The following KIF3B variants were observed in gnomAD, a reference collection of about 807,000 sequenced individuals.
The protein encoded by KIF3B is kinesin family member 3B.
In KIF3B, 38 loss-of-function variants were observed where a neutral mutation model predicts 74.3. That is an observed-to-expected ratio of 0.51 (90% CI 0.39 to 0.67). The LOEUF is 0.67. Among genes scored for constraint, KIF3B ranks in the 30% least tolerant of loss-of-function variants. The pLI, the probability that KIF3B is intolerant of heterozygous loss-of-function variation, is 0.00. For synonymous variants in KIF3B, 326 were observed against 342.5 expected, an observed-to-expected ratio of 0.95 and a Z score of 0.53; for missense variants, 649 against 932.0, an observed-to-expected ratio of 0.70 and a Z score of 3.95.
At chr20:32,301,438 C>T (rs776784060) in intron 1 of KIF3B, among the ~76,000 whole-genome samples, 4 of 151,706 alleles carry the variant, frequency 2.6e-5, no homozygotes, top group Non-Finnish European at 2.9e-5. Flanking sequence ...AGTGTAATGG[C>T]GCGATCTCAG....
chr20:32,283,420 C>T (rs373543366), intron 1 of KIF3B, among the ~76,000 whole-genome samples: 6 of 151,884 alleles, frequency 4.0e-5, no homozygotes, highest in African/African-American at 1.5e-4. Flanking sequence ...AGGAGAATCG[C>T]TTGAACCCGG....
chr20:32,330,031 C>A, intron 7 of KIF3B, 110 bp from the exon 8 acceptor site: 1 of 946,454 alleles, frequency 1.1e-6, no homozygotes, highest in Non-Finnish European at 1.5e-6. Flanking sequence ...CTTGATAGGC[C>A]CTGAATAACA....
At chr20:32,282,157 G>A (rs906495323) in intron 1 of KIF3B, among the ~76,000 whole-genome samples, 5 of 152,164 alleles carry the variant, frequency 3.3e-5, no homozygotes, top group Admixed American at 3.3e-4. Context: ...TGGCAGCCAG[G>A]AGGCTAGTTA....
chr20:32,306,445 A>G lies in KIF3B; in HGVS notation c.-65-3268A>G, dbSNP rs1378401003. On this transcript the variant is annotated intron_variant, in intron 1 of 8. Coordinates refer to ENST00000375712, the MANE Select transcript of KIF3B (RefSeq NM_004798.4). ...ATGAGTGCTTTTTATGTAATGCATT[A>G]TACCACATCCTTATTTATTTGCACA... Among the ~76,000 whole-genome samples, 3 of 152,146 alleles carry G rather than the reference A, an allele frequency of 2.0e-5. No homozygotes were observed. The South Asian group carries it at 6.2e-4, about 32-fold the overall frequency.
intron 1 of KIF3B, among the ~76,000 whole-genome samples, chr20:32,297,136 C>T (rs2047720847): frequency 6.6e-6 from 1 of 151,888 alleles, no homozygotes; most frequent in Admixed American, 6.6e-5. Context: ...TCTGATGGCT[C>T]ATGTGATCTT....
intron 1 of KIF3B, among the ~76,000 whole-genome samples, chr20:32,299,267 T>C (rs1210845943): frequency 2.6e-5 from 4 of 151,002 alleles, no homozygotes; most frequent in African/African-American, 7.3e-5. Flanking sequence ...TGTTCTAATA[T>C]AACTTTGTTT....
At chr20:32,331,086 C>T in intron 8 of KIF3B, 137 bp from the exon 9 acceptor site, 1 of 700,740 alleles carries the variant, frequency 1.4e-6, no homozygotes, top group Non-Finnish European at 2.5e-6. Context: ...CAGGCTGTGC[C>T]AGTGTAGTGG....
chr20:32,287,820 A>C (rs567563842), intron 1 of KIF3B, among the ~76,000 whole-genome samples: 1 of 152,020 alleles, frequency 6.6e-6, no homozygotes, highest in African/African-American at 2.4e-5. Context: ...GAACTTTAAA[A>C]AATTCTAACA....
chr20:32,330,338 G>C lies in KIF3B; in HGVS notation c.2147+19G>C. ...AGGCCAGGTGAGTGGCTTTGATGAC[G>C]TGTGTTTAAACAGAACATGTTTGAA... On this transcript the variant is annotated intron_variant, in intron 8 of 8. Transcript: ENST00000375712. The C allele has an allele frequency of 4.3e-6, 7 of 1,609,704 alleles. No individual in the cohort carries two copies. The highest frequency in any genetic ancestry group is 5.9e-6 in the Non-Finnish European group (7 of 1,177,020).
intron 1 of KIF3B, among the ~76,000 whole-genome samples, chr20:32,279,009 C>T (rs777702652): frequency 4.6e-5 from 7 of 150,848 alleles, no homozygotes; most frequent in Non-Finnish European, 8.9e-5. Flanking sequence ...CTGCAACCTC[C>T]GCCTCGTGTG....
intron 1 of KIF3B, among the ~76,000 whole-genome samples, chr20:32,306,484 C>A (rs2047771721): frequency 6.6e-6 from 1 of 151,858 alleles, no homozygotes; most frequent in South Asian, 2.1e-4. Context: ...TTTGCACAAG[C>A]CAGTTTTTAT....
intron 2 of KIF3B, among the ~76,000 whole-genome samples, chr20:32,314,835 A>G (rs1308537654): frequency 6.6e-6 from 1 of 151,966 alleles, no homozygotes; most frequent in African/African-American, 2.4e-5. Flanking sequence ...GGCCCATTGT[A>G]TGTCTAGCCT....
At chr20:32,312,990 A>G (rs1035935819) in intron 2 of KIF3B, among the ~76,000 whole-genome samples, 1 of 152,178 alleles carries the variant, frequency 6.6e-6, no homozygotes, top group African/African-American at 2.4e-5. Flanking sequence ...AGTATGCAGT[A>G]CCCTGATTAC....
chr20:32,320,041 T>C (rs1364607732), intron 5 of KIF3B, among the ~76,000 whole-genome samples: 5 of 151,444 alleles, frequency 3.3e-5, no homozygotes, highest in Non-Finnish European at 7.4e-5. Flanking sequence ...ACTATAGGCA[T>C]GTGCCACCAT....
chr20:32,287,163 T>G (rs537958785), intron 1 of KIF3B, among the ~76,000 whole-genome samples: 24 of 152,196 alleles, frequency 1.6e-4, no homozygotes, highest in African/African-American at 5.8e-4. Flanking sequence ...ATTTTTGTAC[T>G]TATTTATTTC....
At chr20:32,303,390 C>T (rs2047753536) in intron 1 of KIF3B, among the ~76,000 whole-genome samples, 1 of 150,052 alleles carries the variant, frequency 6.7e-6, no homozygotes, top group African/African-American at 2.5e-5. Flanking sequence ...CATGGTGAAA[C>T]CCCATCTCTA....
At chr20:32,282,741 T>G (rs966423673) in intron 1 of KIF3B, among the ~76,000 whole-genome samples, 2 of 152,194 alleles carry the variant, frequency 1.3e-5, no homozygotes, top group Non-Finnish European at 2.9e-5. Context: ...TGAAGTTCAC[T>G]TGGTGTGCCA....
intron 1 of KIF3B, 63 bp downstream of exon 1, chr20:32,277,828 C>A (rs769536456): frequency 5.2e-4 from 93 of 177,228 alleles, no homozygotes; most frequent in Non-Finnish European, 9.6e-4. Flanking sequence ...TGGGGTTTTC[C>A]CTGCGACCTG....
At chr20:32,313,950 C>T (rs989573920) in intron 2 of KIF3B, among the ~76,000 whole-genome samples, 8 of 152,178 alleles carry the variant, frequency 5.3e-5, no homozygotes, top group Non-Finnish European at 4.4e-5. Flanking sequence ...TCAAGCAATC[C>T]TTCCACCTTA....
Sources: allele counts gnomAD v4.1 joint callset (sites outside exome capture counted in the v4.1 genomes callset), GRCh38; gene constraint gnomAD v4.1.1; transcripts MANE v1.5; gene names NCBI Gene and HGNC (gene_info 2026-07-23, HGNC 2026-07-21).